Variants in IZUMO1 observed in about 807,000 individuals in gnomAD.
IZUMO1 encodes izumo sperm-oocyte fusion 1, also known as izumo sperm-egg fusion protein 1.
In IZUMO1, 44 loss-of-function variants were observed where a neutral mutation model predicts 40.7. The observed-to-expected ratio is 1.08, with a 90% confidence interval of 0.85 to 1.39. The LOEUF (loss-of-function observed/expected upper bound fraction) is 1.39, where lower values mean the gene tolerates loss of function less well. IZUMO1 is among the 40% of genes most tolerant of loss of function. The pLI is 0.00. For synonymous variants in IZUMO1, 149 were observed against 170.9 expected (o/e 0.87, Z 1.00); for missense variants, 368 against 436.9 (o/e 0.84, Z 1.41).
chr19:48,743,536 A>G lies in IZUMO1; in HGVS notation c.419-11T>C. The G allele has an allele frequency of 6.2e-7, 1 of 1,604,512 alleles. No individual in the cohort carries two copies. The highest frequency in any genetic ancestry group is 1.3e-5 in the African/African-American group (1 of 74,866). ...TTTGCAACATCACACCTGGAGGGGC[A>G]GGGTCAAGGCTTGTATTTGCCCACT... On this transcript the variant is annotated splice_polypyrimidine_tract_variant and intron_variant, in intron 5 of 9. Coordinates refer to ENST00000332955, the MANE Select transcript of IZUMO1 (RefSeq NM_182575.3).
chr19:48,741,378 G>A lies in IZUMO1; in HGVS notation c.855C>T (p.Pro285=), dbSNP rs577502455. Residue 285 remains proline, a synonymous_variant, in exon 9 of 10, where the codon CCC becomes CCT. Transcript: ENST00000332955. The surrounding 1 kb of genome is among the most constrained non-coding windows in gnomAD (Gnocchi z 4.4). The part of the protein sequence containing the change: ...ESSISLQPLQ[P]EKMLASRLLG... ...GAAGGCGGCTTGCCAGCATTTTCTC[G>A]GGCTGCAGAGGCTGGAGGCTTATGG... 1.2e-6 allele frequency: 2 copies of A among 1,613,190 alleles called. No homozygotes were observed. Among genetic ancestry groups the A allele is most frequent in the Non-Finnish European group, 8.5e-7 (1 of 1,179,884 alleles).
At chr19:48,744,382 G>A (rs931260521) in intron 4 of IZUMO1, 71 bp downstream of exon 4, 46 of 1,318,844 alleles carry the variant, frequency 3.5e-5, no homozygotes, top group Non-Finnish European at 4.6e-5. Context: ...GGAGAAGTAA[G>A]GGGCTGGAGA....
At chr19:48,743,334 C>A (rs921968239) in intron 6 of IZUMO1, 111 bp downstream of exon 6, 9 of 991,566 alleles carry the variant, frequency 9.1e-6, no homozygotes, top group Non-Finnish European at 1.4e-5. Context: ...CTAAACCCTA[C>A]CTTTTCTTGT....
Position 48,746,717 on chromosome 19 carries a change from T to C in IZUMO1, c.-356A>G. On this transcript the variant is annotated 5_prime_UTR_variant, in exon 1 of 10. It removes an upstream start codon present in the reference 5' UTR. Coordinates refer to ENST00000332955, the MANE Select transcript of IZUMO1 (RefSeq NM_182575.3). ...GCTTTTAAAGAGGAAGCCGGGGTCA[T>C]GACCACCTACGCTAATTTTCCCAGG... 1.0e-6 allele frequency: 1 copy of C among 985,492 alleles called. No homozygotes were observed. The highest frequency in any genetic ancestry group is 4.7e-5 in the South Asian group (1 of 21,274). The allele number at this position is 985,492 out of a possible 1,614,324, so 61.0% of individuals were successfully genotyped here.
At position 48,742,636 on chromosome 19, in the gene IZUMO1, C is replaced by G. The variant is rs370618190; in HGVS notation, c.500-327G>C. Among the ~76,000 whole-genome samples, 43 of 151,890 alleles carry G rather than the reference C, an allele frequency of 2.8e-4. No homozygotes were observed. In the South Asian group the frequency reaches 8.1e-3, roughly 29 times the overall value. On this transcript the variant is annotated intron_variant, in intron 6 of 9. Coordinates refer to ENST00000332955, the MANE Select transcript of IZUMO1 (RefSeq NM_182575.3). ...GTGCTGCGATTACAGGCATGAGGCA[C>G]TGCGCCGGGCCTCCTTCACGGTTCT...
chr19:48,742,517 T>A (rs1230063909), intron 6 of IZUMO1, among the ~76,000 whole-genome samples: 2 of 151,802 alleles, frequency 1.3e-5, no homozygotes, highest in African/African-American at 2.4e-5. Context: ...CTGGCTAATT[T>A]TTGTATTTTT....
At position 48,741,426 on chromosome 19, in the gene IZUMO1, C is replaced by A; in HGVS notation, c.807G>T (p.Pro269=). ...EEKPSPNIVT[P]GEATTESSIS... The stretch of plus-strand genomic sequence containing the variant: ...TGGACGACTCCGTGGTCGCCTCCCC[C>A]GGGGTTACGATATTTGGAGAAGGTT... The change falls in exon 9 of 10, where the codon CCG becomes CCT. Residue 269 remains proline, a synonymous_variant. Transcript: ENST00000332955. This position sits in a 1 kb window ranked among gnomAD's most constrained non-coding sequence, Gnocchi z 4.4. The A allele has an allele frequency of 6.2e-7, 1 of 1,613,274 alleles. No homozygotes were observed. The highest frequency in any genetic ancestry group is 8.5e-7 in the Non-Finnish European group (1 of 1,179,494).
At chr19:48,746,204 A>C in intron 1 of IZUMO1, 1 of 1,118,304 alleles carries the variant, frequency 8.9e-7, no homozygotes. Flanking sequence ...GAATCTCCCA[A>C]CCCCATGCGC....
rs755224650 is a variant in IZUMO1 at position 48,744,537 on chromosome 19, C to G, written c.313G>C (p.Asp105His). 6.2e-7 allele frequency: 1 copy of G among 1,611,222 alleles called. No homozygotes were observed. Among genetic ancestry groups the G allele is most frequent in the South Asian group, 1.1e-5 (1 of 90,982 alleles). Residue 105 changes from aspartate to histidine, a missense_variant and splice_region_variant, in exon 4 of 10, where the codon GAT (aspartate) becomes CAT (histidine). Coordinates refer to ENST00000332955, the MANE Select transcript of IZUMO1 (RefSeq NM_182575.3). ...KRITDSDVKG[D>H]LFVKELFWML... Reference sequence around the variant, plus strand: ...CAAAATAGCTCCTTCACGAAGAGATCGCCTGGGAAGACACAGGAACCCCCA... The same window carrying G: ...CAAAATAGCTCCTTCACGAAGAGATGGCCTGGGAAGACACAGGAACCCCCA...
rs2033673091 is a variant in IZUMO1, at chr19:48,741,116, C to T, written c.933-88G>A. ...CCCCTCCCAACCTCCCCCTTTGTGA[C>T]CTTATTCTAGCAATTACCTAAGCCT... On this transcript the variant is annotated intron_variant, in intron 9 of 9. Transcript: ENST00000332955. This position sits in a 1 kb window ranked among gnomAD's most constrained non-coding sequence, Gnocchi z 4.4. 2 of 1,574,694 alleles carry T rather than the reference C, an allele frequency of 1.3e-6. No homozygotes were observed. Among genetic ancestry groups the T allele is most frequent in the Non-Finnish European group, 1.7e-6 (2 of 1,154,004 alleles).
In IZUMO1 at chr19:48,740,871, G is replaced by C. The variant is rs538638649; in HGVS notation, c.*37C>G. The C allele has an allele frequency of 1.9e-6, 3 of 1,613,720 alleles. No individual in the cohort carries two copies. The highest frequency in any genetic ancestry group is 4.5e-5 in the East Asian group (2 of 44,876). On this transcript the variant is annotated 3_prime_UTR_variant, in exon 10 of 10. Transcript: ENST00000332955. The surrounding 1 kb of genome is among the most constrained non-coding windows in gnomAD (Gnocchi z 5.5). ...AAAGGCTAGAATCAGTCCCGTCCCG[G>C]GGAGTGAGTCAGATGCTTAGACAAC...
Position 48,741,989 on chromosome 19 carries a change from T to G in IZUMO1, c.601-47A>C, listed in dbSNP as rs781608327. The G allele has an allele frequency of 3.2e-6, 5 of 1,554,246 alleles. No homozygotes were observed. Among genetic ancestry groups the G allele is most frequent in the Non-Finnish European group, 4.4e-6 (5 of 1,146,280 alleles). On this transcript the variant is annotated intron_variant, in intron 7 of 9. Transcript: ENST00000332955. This position sits in a 1 kb window ranked among gnomAD's most constrained non-coding sequence, Gnocchi z 4.4. The stretch of plus-strand genomic sequence containing the variant: ...CACTGAGGCCTGAGGAATTCAGGGG[T>G]TGGGGGAGTACAGGGGTGAGAAGAT...
intron 6 of IZUMO1, chr19:48,743,199 A>T: frequency 3.9e-6 from 2 of 512,634 alleles, no homozygotes; most frequent in East Asian, 3.5e-5. Context: ...ACTAATTTTT[A>T]AATTTTTTTG....
rs927232342 is a variant in IZUMO1 at position 48,741,490 on chromosome 19, A to C, written c.755-12T>G. The C allele has an allele frequency of 2.5e-6, 4 of 1,595,374 alleles. No individual in the cohort carries two copies. Among genetic ancestry groups the C allele is most frequent in the Non-Finnish European group, 3.4e-6 (4 of 1,165,072 alleles). ...CATTTTGGGCAACACTGTTAGAGAA[A>C]GCGTAAAGAGCAGTCCTGGCAGGGC... On this transcript the variant is annotated splice_polypyrimidine_tract_variant and intron_variant, in intron 8 of 9. Transcript: ENST00000332955. This position sits in a 1 kb window ranked among gnomAD's most constrained non-coding sequence, Gnocchi z 4.4.
Position 48,745,895 on chromosome 19 carries a change from G to A in IZUMO1, c.-36C>T. The A allele has an allele frequency of 6.2e-7, 1 of 1,610,942 alleles. No individual in the cohort carries two copies. The highest frequency in any genetic ancestry group is 8.5e-7 in the Non-Finnish European group (1 of 1,177,504). On this transcript the variant is annotated 5_prime_UTR_variant, in exon 2 of 10. Coordinates refer to ENST00000332955, the MANE Select transcript of IZUMO1 (RefSeq NM_182575.3). The stretch of plus-strand genomic sequence containing the variant: ...GCGCACAGTTCCCGAAGACCGTTAG[G>A]AAGGGTGCTCTCACCCCAAACCGAG...
At chr19:48,744,117 G>A in intron 5 of IZUMO1, 58 bp downstream of exon 5, 1 of 1,502,082 alleles carries the variant, frequency 6.7e-7, no homozygotes, top group Non-Finnish European at 9.3e-7. Context: ...AAAGGCGAGT[G>A]GGGAGGTTGA....
In IZUMO1 at chr19:48,741,276, C is replaced by T; in HGVS notation, c.932+25G>A. ...CCCCGCCCCTTACTCCAAGCCAAGC[C>T]TGTCTTCTTCAATGGGTTGCTTACG... On this transcript the variant is annotated intron_variant, in intron 9 of 9. Coordinates refer to ENST00000332955, the MANE Select transcript of IZUMO1 (RefSeq NM_182575.3). The surrounding 1 kb of genome is among the most constrained non-coding windows in gnomAD (Gnocchi z 4.4). 1.3e-6 allele frequency: 2 copies of T among 1,563,612 alleles called. No individual in the cohort carries two copies. The highest frequency in any genetic ancestry group is 1.7e-6 in the Non-Finnish European group (2 of 1,155,532).
intron 5 of IZUMO1, 133 bp from the exon 6 acceptor site, chr19:48,743,658 G>A (rs372718883): frequency 2.1e-5 from 15 of 708,980 alleles, no homozygotes; most frequent in African/African-American, 7.0e-5. Context: ...GGACCAGGAC[G>A]CAGGTAAGTA....
At chr19:48,745,392 T>C in intron 2 of IZUMO1, 104 bp from the exon 3 acceptor site, 2 of 1,151,664 alleles carry the variant, frequency 1.7e-6, no homozygotes, top group African/African-American at 3.1e-5. Flanking sequence ...AAGATAGGCC[T>C]GGTTAAGGAC....
Sources: allele counts gnomAD v4.1 joint callset (sites outside exome capture counted in the v4.1 genomes callset), GRCh38; gene constraint gnomAD v4.1.1; non-coding constraint Gnocchi (gnomAD v3.1); transcripts MANE v1.5; gene names NCBI Gene and HGNC (gene_info 2026-07-23, HGNC 2026-07-21).